PPEF1: variants seen among roughly 807,000 people sequenced by gnomAD.
PPEF1 encodes the protein serine/threonine-protein phosphatase with EF-hands 1.
A neutral mutation model predicts 53.3 loss-of-function variants in PPEF1; 12 were observed. The observed-to-expected ratio is 0.23, with a 90% CI of 0.14 to 0.36. PPEF1 has a LOEUF of 0.36. Ranked by LOEUF, PPEF1 falls within the 10% of genes least tolerant of loss-of-function variation. PPEF1 has a pLI of 1.00. For missense variants in PPEF1, 334 were observed against 490.4 expected (o/e 0.68, Z 3.01); for synonymous variants, 165 against 176.7 (o/e 0.93, Z 0.52).
chrX:18,811,615 ATTTT>A (rs772854787), intron 12 of PPEF1, among the ~76,000 whole-genome samples: 737 of 7,844 alleles, frequency 0.094, 8 homozygotes, highest in African/African-American at 0.2. Flanking sequence ...ATATATATAT[ATTTT>A]TTTTTTTTTT....
At chrX:18,747,882 G>C (rs996375052) in intron 3 of PPEF1, among the ~76,000 whole-genome samples, 1 of 111,658 alleles carries the variant, frequency 9.0e-6, no homozygotes, top group Non-Finnish European at 1.9e-5. Context: ...TTTTGTTTTT[G>C]CTGTTATTTG....
intron 7 of PPEF1, among the ~76,000 whole-genome samples, chrX:18,779,540 A>G (rs1320471875): frequency 9.0e-6 from 1 of 111,076 alleles, no homozygotes; most frequent in Non-Finnish European, 1.9e-5. Context: ...TTCTGTTGCT[A>G]CTCTTGGCTT....
intron 10 of PPEF1, 123 bp from the exon 11 acceptor site, chrX:18,803,769 C>T (rs1235595759): frequency 8.5e-6 from 6 of 702,220 alleles, no homozygotes; most frequent in Non-Finnish European, 1.0e-5. Context: ...AAACAATTTT[C>T]AAGGAAGAAT....
chrX:18,753,234 G>A (rs2045480190), intron 4 of PPEF1, among the ~76,000 whole-genome samples: 1 of 109,693 alleles, frequency 9.1e-6, no homozygotes, highest in African/African-American at 3.3e-5. Context: ...AATTTGTGGA[G>A]TTTCTAAGAA....
chrX:18,823,640 AAAT>A (rs2047109878), intron 13 of PPEF1, among the ~76,000 whole-genome samples: 1 of 101,339 alleles, frequency 9.9e-6, no homozygotes, highest in African/African-American at 4.5e-5. Context: ...AAAAAAAAAT[AAAT>A]AAATAAATAA....
At chrX:18,681,074 C>T (rs1351392731), upstream of PPEF1, among the ~76,000 whole-genome samples, 2 of 111,391 alleles carry the variant, frequency 1.8e-5, no homozygotes, top group Non-Finnish European at 3.8e-5. Flanking sequence ...CCACAATAAA[C>T]ATACGTGTGC....
At chrX:18,751,378 G>A (rs1389446534) in intron 4 of PPEF1, among the ~76,000 whole-genome samples, 3 of 111,872 alleles carry the variant, frequency 2.7e-5, no homozygotes, top group Non-Finnish European at 5.6e-5. Flanking sequence ...TCTATATATG[G>A]TATGAAGTCA....
chrX:18,765,023 G>A (rs182282522), intron 6 of PPEF1, among the ~76,000 whole-genome samples: 3,181 of 111,586 alleles, frequency 0.029, 110 homozygotes, highest in African/African-American at 0.098. Flanking sequence ...TACTATAAAA[G>A]GAACTAAAGG....
chrX:18,690,358 GTTT>G (rs67423941), intron 3 of PPEF1, among the ~76,000 whole-genome samples: 4,248 of 71,192 alleles, frequency 0.06, 288 homozygotes, highest in African/African-American at 0.19. Context: ...TCTAGGACTT[GTTT>G]TTTTTTTTTT....
chrX:18,747,379 A>G (rs952680233), intron 3 of PPEF1, among the ~76,000 whole-genome samples: 8 of 112,314 alleles, frequency 7.1e-5, no homozygotes, highest in Non-Finnish European at 1.9e-5. Context: ...GGGTGGTTCC[A>G]TATGCCTGTC....
At chrX:18,822,513 CTT>C (rs761471112) in intron 13 of PPEF1, among the ~76,000 whole-genome samples, 1 of 101,669 alleles carries the variant, frequency 9.8e-6, no homozygotes, top group Non-Finnish European at 2.0e-5. Flanking sequence ...TATGAGATTT[CTT>C]TTTTTTTTTT....
intron 14 of PPEF1, among the ~76,000 whole-genome samples, chrX:18,824,411 G>C (rs1241998167): frequency 9.1e-6 from 1 of 110,031 alleles, no homozygotes; most frequent in Non-Finnish European, 1.9e-5. Flanking sequence ...TTGCACTCCA[G>C]CCTGGGTGAC....
At position 18,730,736 on chromosome X, in the gene PPEF1, C is replaced by T. The variant is rs762621277; in HGVS notation, c.174+428C>T. The stretch of plus-strand genomic sequence containing the variant: ...GCCTTTTTTTTTTTTTTCTTCGAGA[C>T]GGGATTTCACTCTTGTCACCCAGGC... On this transcript the variant is annotated intron_variant, in intron 2 of 15. Coordinates refer to ENST00000470157, the MANE Select transcript of PPEF1 (RefSeq NM_001377996.1). Among the ~76,000 whole-genome samples, 10 of 101,360 alleles carry T rather than the reference C, an allele frequency of 9.9e-5. No homozygotes were observed. The South Asian group carries it at 2.7e-3, about 28-fold the overall frequency. The allele number at this position is 101,360 out of a possible 115,157, so 88.0% of individuals were successfully genotyped here.
intron 9 of PPEF1, among the ~76,000 whole-genome samples, chrX:18,786,586 C>G (rs1487064603): frequency 9.2e-6 from 1 of 109,215 alleles, no homozygotes; most frequent in African/African-American, 3.3e-5. Context: ...AATTCAAGAC[C>G]AGCCTGGCCA....
intron 11 of PPEF1, 106 bp from the exon 12 acceptor site, chrX:18,806,297 C>A: frequency 1.1e-6 from 1 of 872,099 alleles, no homozygotes; most frequent in Admixed American, 2.8e-5. Flanking sequence ...GGTTTATGAA[C>A]CTTCTTTGAT....
chrX:18,704,145 C>T (rs1191240671), upstream of PPEF1, among the ~76,000 whole-genome samples: 1 of 109,448 alleles, frequency 9.1e-6, no homozygotes, highest in African/African-American at 3.3e-5. Flanking sequence ...AGGCTGGTCT[C>T]GAACTCCTGG....
chrX:18,721,709 C>G (rs1345944849), intron 1 of PPEF1, among the ~76,000 whole-genome samples: 1 of 111,537 alleles, frequency 9.0e-6, no homozygotes, highest in Non-Finnish European at 1.9e-5. Flanking sequence ...TTTTATTACC[C>G]CATGTGGATG....
rs2044895547 is a variant in PPEF1, at chrX:18,733,787, C to T, written c.214C>T (p.His72Tyr). ...FFSFMLENYTHIHKEELELRN... is the reference protein window; with the variant it reads ...FFSFMLENYTYIHKEELELRN... ...TTCCTTCATGTTGGAAAACTACACA[C>T]ATATACATAAGGAAGAGCTAGGTAA... The change falls in exon 3 of 16, where the codon CAT becomes TAT. Residue 72 changes from histidine to tyrosine, a missense_variant. By Grantham distance (83) the His-to-Tyr change is moderately conservative. Coordinates refer to ENST00000470157, the MANE Select transcript of PPEF1 (RefSeq NM_001377996.1). The T allele has an allele frequency of 1.7e-6, 2 of 1,188,435 alleles. No individual in the cohort carries two copies. Among genetic ancestry groups the T allele is most frequent in the Non-Finnish European group, 2.3e-6 (2 of 884,410 alleles).
chrX:18,827,313 A>T lies in PPEF1; in HGVS notation c.1788A>T (p.Lys596Asn). The T allele has an allele frequency of 8.3e-7, 1 of 1,210,391 alleles. No homozygotes were observed. Among genetic ancestry groups the T allele is most frequent in the East Asian group, 3.0e-5 (1 of 33,825 alleles). The change falls in exon 16 of 16, where the codon AAA becomes AAT. Residue 596 changes from lysine (K) to asparagine (N), a missense_variant. Lys to Asn is a moderately conservative substitution (Grantham distance 94). Coordinates refer to ENST00000470157, the MANE Select transcript of PPEF1 (RefSeq NM_001377996.1). ...ISVEEFRAMW[K>N]LFSSHYNVHI... ...TGGAAGAATTTCGTGCCATGTGGAA[A>T]CTTTTTAGTTCTCACTACAATGTTC...
Sources: allele counts gnomAD v4.1 joint callset (sites outside exome capture counted in the v4.1 genomes callset), GRCh38; gene constraint gnomAD v4.1.1; transcripts MANE v1.5; gene names NCBI Gene and HGNC (gene_info 2026-07-23, HGNC 2026-07-21).